The following SMYD3 variants were observed in gnomAD, a reference collection of about 807,000 sequenced individuals.
SMYD3 encodes SET and MYND domain containing 3, also known as histone-lysine N-methyltransferase SMYD3.
SMYD3 carries 36 observed loss-of-function variants against 57.7 expected under a neutral mutation model. That is an observed-to-expected ratio of 0.62 (90% CI 0.48 to 0.82). The LOEUF (loss-of-function observed/expected upper bound fraction) is 0.82. SMYD3 is among the 40% of genes least tolerant of loss of function. The probability of loss-of-function intolerance (pLI) is 0.00; values close to 1 mark genes in which losing one functional copy is unlikely to be tolerated. For synonymous variants in SMYD3, 211 were observed against 195.0 expected (o/e 1.08, Z -0.68); for missense variants, 515 against 538.8 (o/e 0.96, Z 0.44).
intron 5 of SMYD3, among the ~76,000 whole-genome samples, chr1:246,321,385 T>C (rs1020279918): frequency 2.0e-5 from 3 of 152,206 alleles, no homozygotes; most frequent in Non-Finnish European, 2.9e-5. Flanking sequence ...ATCTATGAAG[T>C]AGATATTAGT....
chr1:246,341,868 T>C (rs1015186727), intron 2 of SMYD3, among the ~76,000 whole-genome samples: 1 of 152,092 alleles, frequency 6.6e-6, no homozygotes, highest in South Asian at 2.1e-4. Flanking sequence ...TGGGATAGAG[T>C]GTAAGAAGGG....
intron 5 of SMYD3, among the ~76,000 whole-genome samples, chr1:245,989,553 T>TTCA (rs2058772595): frequency 6.6e-6 from 1 of 152,226 alleles, no homozygotes. Context: ...CAACCACTCA[T>TTCA]TCATTCAATG....
At chr1:245,820,749 C>T (rs1310352543) in intron 10 of SMYD3, among the ~76,000 whole-genome samples, 16 of 148,670 alleles carry the variant, frequency 1.1e-4, no homozygotes, top group Admixed American at 6.1e-4. Flanking sequence ...TATACACCAA[C>T]AACAGACAAA....
intron 5 of SMYD3, among the ~76,000 whole-genome samples, chr1:246,319,424 G>T (rs2065212860): frequency 6.6e-6 from 1 of 152,126 alleles, no homozygotes; most frequent in African/African-American, 2.4e-5. Flanking sequence ...TTTCCTTAAT[G>T]GAACCCAGGC....
At chr1:245,912,778 T>C (rs1265520996) in intron 8 of SMYD3, among the ~76,000 whole-genome samples, 1 of 152,170 alleles carries the variant, frequency 6.6e-6, no homozygotes, top group African/African-American at 2.4e-5. Flanking sequence ...TTCAATTATT[T>C]GTCATCAGAA....
chr1:246,093,238 C>T (rs551007223), intron 5 of SMYD3, among the ~76,000 whole-genome samples: 18 of 152,270 alleles, frequency 1.2e-4, no homozygotes, highest in African/African-American at 4.1e-4. Context: ...ACTAGAACTA[C>T]CACGTGACCC....
At chr1:245,843,242 G>C (rs2050490928) in intron 10 of SMYD3, among the ~76,000 whole-genome samples, 1 of 152,064 alleles carries the variant, frequency 6.6e-6, no homozygotes, top group Non-Finnish European at 1.5e-5. Context: ...CGAGCCCACT[G>C]GGGTAGACAG....
chr1:246,120,711 G>T (rs1445036314), intron 5 of SMYD3, among the ~76,000 whole-genome samples: 2 of 152,200 alleles, frequency 1.3e-5, no homozygotes, highest in Non-Finnish European at 2.9e-5. Flanking sequence ...TCACAGGCCA[G>T]CCAAACTTGA....
intron 7 of SMYD3, among the ~76,000 whole-genome samples, 192 bp from the exon 8 acceptor site, chr1:245,915,832 A>G (rs549164367): frequency 6.6e-6 from 1 of 152,270 alleles, no homozygotes; most frequent in East Asian, 1.9e-4. Flanking sequence ...ATTTCCTTTC[A>G]GTCTTTGCTA....
chr1:246,195,562 T>A (rs1438337301), intron 5 of SMYD3, among the ~76,000 whole-genome samples: 1 of 152,150 alleles, frequency 6.6e-6, no homozygotes, highest in Non-Finnish European at 1.5e-5. Context: ...CCATATGACA[T>A]GTTGCTGAAG....
Position 246,273,142 on chromosome 1 carries a change from T to TTTTTTTC in SMYD3, c.531+54058_531+54059insGAAAAAA, listed in dbSNP as rs1466489048. 9.0e-4 allele frequency among the ~76,000 whole-genome samples: 116 copies of TTTTTTTC among 128,640 alleles called. 1 individual carries two copies. Among genetic ancestry groups the TTTTTTTC allele is most frequent in the African/African-American group, 4.0e-3 (114 of 28,856 alleles). The allele number at this position is 128,640 out of a possible 152,430, so 84.4% of individuals were successfully genotyped here. On this transcript the variant is annotated intron_variant, in intron 5 of 11. Coordinates refer to ENST00000490107, the MANE Select transcript of SMYD3 (RefSeq NM_001167740.2). ...TAATAATGTCCCTGTTTTCTTTTTTTTTTTTTTTTTCTTTTTTTTGGGGGG... is the reference window on the plus strand; with the variant it reads ...TAATAATGTCCCTGTTTTCTTTTTTTTTTTTTCTTTTTTTTTTCTTTTTTTTGGGGGG...
chr1:246,380,933 A>T (rs996760834), intron 1 of SMYD3, among the ~76,000 whole-genome samples: 4 of 152,218 alleles, frequency 2.6e-5, no homozygotes, highest in Non-Finnish European at 5.9e-5. Context: ...AGTGGGGACA[A>T]ACAGCCCAGG....
chr1:245,961,101 C>T (rs1427113786), intron 5 of SMYD3, among the ~76,000 whole-genome samples: 1 of 152,178 alleles, frequency 6.6e-6, no homozygotes, highest in East Asian at 1.9e-4. Context: ...TGTTTGTAGG[C>T]ATCTGAGAAA....
At chr1:246,130,512 C>A (rs572457978) in intron 5 of SMYD3, among the ~76,000 whole-genome samples, 1 of 152,214 alleles carries the variant, frequency 6.6e-6, no homozygotes, top group African/African-American at 2.4e-5. Context: ...AAAATTACAA[C>A]CTATATTTAT....
At chr1:245,799,908 C>G (rs560393762) in intron 10 of SMYD3, among the ~76,000 whole-genome samples, 1 of 152,204 alleles carries the variant, frequency 6.6e-6, no homozygotes, top group East Asian at 1.9e-4. Flanking sequence ...ACCTGTCCAT[C>G]TGCCCACCTC....
chr1:245,978,598 G>C (rs1286423102), intron 5 of SMYD3, among the ~76,000 whole-genome samples: 3 of 152,144 alleles, frequency 2.0e-5, no homozygotes, highest in Admixed American at 2.0e-4. Context: ...TATTTCAAAA[G>C]GTTTTTCCCT....
chr1:245,856,718 G>C (rs1008106779), intron 10 of SMYD3, among the ~76,000 whole-genome samples: 1 of 152,190 alleles, frequency 6.6e-6, no homozygotes, highest in African/African-American at 2.4e-5. Context: ...TAAAGTTTCT[G>C]TGCTTAAGAG....
At chr1:246,197,426 A>G (rs1184096386) in intron 5 of SMYD3, among the ~76,000 whole-genome samples, 1 of 152,112 alleles carries the variant, frequency 6.6e-6, no homozygotes, top group African/African-American at 2.4e-5. Flanking sequence ...TGTAATGAAA[A>G]CGGCACTTTA....
At chr1:245,824,864 A>AC (rs2049387687) in intron 10 of SMYD3, among the ~76,000 whole-genome samples, 1 of 151,320 alleles carries the variant, frequency 6.6e-6, no homozygotes, top group African/African-American at 2.4e-5. Flanking sequence ...CTCAAAAAAA[A>AC]AAAAACAAAA....
Sources: allele counts gnomAD v4.1 joint callset (sites outside exome capture counted in the v4.1 genomes callset), GRCh38; gene constraint gnomAD v4.1.1; transcripts MANE v1.5; gene names NCBI Gene and HGNC (gene_info 2026-07-23, HGNC 2026-07-21).